Variants in EIF4E3 observed in about 807,000 individuals in gnomAD.
EIF4E3 encodes eukaryotic translation initiation factor 4E family member 3, also known as eukaryotic translation initiation factor 4E type 3.
A neutral mutation model predicts 31.7 loss-of-function variants in EIF4E3; 26 were observed. The ratio of observed to expected loss-of-function variants is 0.82; its 90% CI spans 0.60 to 1.14. EIF4E3 has a LOEUF of 1.14. Among genes scored for constraint, EIF4E3 ranks in the 50% most tolerant of loss-of-function variants. EIF4E3 has a pLI of 0.00. For synonymous variants in EIF4E3, 128 were observed against 107.7 expected, an observed-to-expected ratio of 1.19 and a Z score of -1.17; for missense variants, 304 against 270.9, an observed-to-expected ratio of 1.12 and a Z score of -0.86.
At chr3:71,666,371 T>C in the EIF4E3 span, among the ~76,000 whole-genome samples, 2 of 152,140 alleles carry the variant, frequency 1.3e-5, no homozygotes, top group African/African-American at 2.4e-5. Flanking sequence ...CCTGGATACA[T>C]ACCCCTCCCA....
rs2049613036 is a variant in EIF4E3, at chr3:71,725,160, G to C, written c.176+32C>G. The C allele has an allele frequency of 3.7e-6, 4 of 1,066,862 alleles. No homozygotes were observed. The South Asian group carries it at 1.4e-4, about 38-fold the overall frequency. The allele number at this position is 1,066,862 out of a possible 1,614,324, so 66.1% of individuals were successfully genotyped here. ...GCGGTGGCGGCAGGACCCGGGTCGG[G>C]GCCGTGCGCGGCGGGCCCCGCGCCC... On this transcript the variant is annotated intron_variant, in intron 1 of 6. Coordinates refer to ENST00000425534, the MANE Select transcript of EIF4E3 (RefSeq NM_001134651.2). This position sits in a 1 kb window ranked among gnomAD's most constrained non-coding sequence, Gnocchi z 6.1.
the EIF4E3 span, among the ~76,000 whole-genome samples, chr3:71,662,176 G>A: frequency 6.6e-6 from 1 of 152,156 alleles, no homozygotes; most frequent in Non-Finnish European, 1.5e-5. Context: ...ATACTGTAAG[G>A]GCAAGGTGGA....
At chr3:71,749,054 G>C (rs2049900750) in intron 1 of EIF4E3, among the ~76,000 whole-genome samples, 2 of 152,230 alleles carry the variant, frequency 1.3e-5, no homozygotes, top group Non-Finnish European at 2.9e-5. Context: ...TATATAGTCA[G>C]GTAAGAGCAA....
rs2049614618 is a variant in EIF4E3, at chr3:71,725,229, C to A, written c.139G>T (p.Val47Phe). 1 of 1,133,140 alleles carries A rather than the reference C, an allele frequency of 8.8e-7. No individual in the cohort carries two copies. Among genetic ancestry groups the A allele is most frequent in the Non-Finnish European group, 1.1e-6 (1 of 919,012 alleles). 70.2% of individuals were successfully genotyped at this position (1,133,140 alleles called of 1,614,324 possible). A position where few individuals can be genotyped will look rare whatever the true frequency, so the allele number is the denominator to read the frequency against. The change falls in exon 1 of 7, where the codon GTC becomes TTC. Residue 47 changes from valine (V) to phenylalanine (F), a missense_variant. By Grantham distance (50) the Val-to-Phe change is conservative (BLOSUM62 -1). Transcript: ENST00000425534. This position sits in a 1 kb window ranked among gnomAD's most constrained non-coding sequence, Gnocchi z 6.1. ...AAGGTCCAGGACGAGTGCAGCGGGA[C>A]CCCGCCCGGCTCAGGCTGCAGCGCC... ...LSALQPEPGGVPLHSSWTFWL... is the reference protein window; with the variant it reads ...LSALQPEPGGFPLHSSWTFWL...
upstream of EIF4E3, chr3:71,754,366 G>C: frequency 7.5e-7 from 1 of 1,328,284 alleles, no homozygotes; most frequent in Non-Finnish European, 9.7e-7. The surrounding 1 kb of genome is among the most constrained non-coding windows in gnomAD (Gnocchi z 5.8). Flanking sequence ...GCGCTCTTCT[G>C]CTTCCACGCC....
chr3:71,691,829 A>G (rs1559590933), intron 5 of EIF4E3, among the ~76,000 whole-genome samples: 1 of 152,248 alleles, frequency 6.6e-6, no homozygotes, highest in African/African-American at 2.4e-5. Flanking sequence ...TTTAAAAATA[A>G]TCTTGCCAGA....
At chr3:71,661,424 A>G in the EIF4E3 span, among the ~76,000 whole-genome samples, 1 of 152,136 alleles carries the variant, frequency 6.6e-6, no homozygotes, top group Non-Finnish European at 1.5e-5. Flanking sequence ...CCTATGTGAA[A>G]AGCACTAGTA....
chr3:71,695,195 G>A (rs909025967), intron 4 of EIF4E3, among the ~76,000 whole-genome samples: 6 of 152,154 alleles, frequency 3.9e-5, no homozygotes, highest in African/African-American at 7.2e-5. Context: ...TGAGAGCTGC[G>A]AGAGGCTGTT....
Position 71,684,137 on chromosome 3 carries a change from T to C in EIF4E3, c.*545A>G, listed in dbSNP as rs1346010422. On this transcript the variant is annotated 3_prime_UTR_variant, in exon 7 of 7. Coordinates refer to ENST00000425534, the MANE Select transcript of EIF4E3 (RefSeq NM_001134651.2). ...ATCACATTAAGTATGGTTTTTCTTTTCCCTGGGACAGAAAAAAACAATGCC... is the reference window on the plus strand; with the variant it reads ...ATCACATTAAGTATGGTTTTTCTTTCCCCTGGGACAGAAAAAAACAATGCC... The C allele has an allele frequency of 1.3e-5, 2 of 152,562 alleles. No individual in the cohort carries two copies. The highest frequency in any genetic ancestry group is 2.9e-5 in the Non-Finnish European group (2 of 68,020). The allele number at this position is 152,562 out of a possible 1,614,324, so 9.5% of individuals were successfully genotyped here. A position where few individuals can be genotyped will look rare whatever the true frequency, so the allele number is the denominator to read the frequency against.
chr3:71,695,806 T>C (rs1215127663), intron 4 of EIF4E3, among the ~76,000 whole-genome samples: 1 of 152,206 alleles, frequency 6.6e-6, no homozygotes, highest in Non-Finnish European at 1.5e-5. Context: ...AGAAGCTTTT[T>C]AGTTTCCCAG....
downstream of EIF4E3, among the ~76,000 whole-genome samples, chr3:71,671,356 T>A (rs1216870221): frequency 6.6e-6 from 1 of 151,796 alleles, no homozygotes; most frequent in African/African-American, 2.4e-5. Flanking sequence ...GGGGCTTGGC[T>A]GGCCGCGGCT....
At chr3:71,695,103 T>A (rs1011387679) in intron 4 of EIF4E3, among the ~76,000 whole-genome samples, 3 of 152,008 alleles carry the variant, frequency 2.0e-5, no homozygotes, top group Non-Finnish European at 2.9e-5. Flanking sequence ...TCCCTTCTGG[T>A]CTATGAGTCT....
At chr3:71,661,126 T>C in the EIF4E3 span, among the ~76,000 whole-genome samples, 1 of 151,800 alleles carries the variant, frequency 6.6e-6, no homozygotes, top group Non-Finnish European at 1.5e-5. Flanking sequence ...TTGTTATTGT[T>C]ATTTTACTTT....
intron 1 of EIF4E3, among the ~76,000 whole-genome samples, chr3:71,724,967 T>TC (rs750127203): frequency 6.6e-6 from 1 of 151,920 alleles, no homozygotes; most frequent in African/African-American, 2.4e-5. Context: ...TGCGCTGTCC[T>TC]CCCCCGGCCC....
rs190835785 is a variant in EIF4E3 at position 71,676,234 on chromosome 3, T to G, written c.*8448A>C. On this transcript the variant is annotated 3_prime_UTR_variant, in exon 7 of 7. Transcript: ENST00000425534. ...CAACGTTCATAGTTAGAGAAGATTCTATATGTAAAATGATGTTTATCACCT... is the reference window on the plus strand; with the variant it reads ...CAACGTTCATAGTTAGAGAAGATTCGATATGTAAAATGATGTTTATCACCT... 1 of 152,352 alleles carries G rather than the reference T, an allele frequency of 6.6e-6. No individual in the cohort carries two copies. The highest frequency in any genetic ancestry group is 2.4e-5 in the African/African-American group (1 of 41,582). 9.4% of individuals were successfully genotyped at this position (152,352 alleles called of 1,614,324 possible).
At chr3:71,696,637 A>G (rs2049141056) in intron 3 of EIF4E3, 117 bp from the exon 4 acceptor site, 3 of 1,159,468 alleles carry the variant, frequency 2.6e-6, no homozygotes, top group South Asian at 1.5e-5. Context: ...AAAACAAAAT[A>G]GTTGGGCATT....
At chr3:71,753,888 C>G (rs905812772), upstream of EIF4E3, among the ~76,000 whole-genome samples, 1 of 148,540 alleles carries the variant, frequency 6.7e-6, no homozygotes, top group African/African-American at 2.4e-5. Flanking sequence ...ACAGCGGCGG[C>G]TCGGGGAGCC....
intron 1 of EIF4E3, among the ~76,000 whole-genome samples, chr3:71,718,329 T>A (rs1282313270): frequency 1.3e-5 from 2 of 152,270 alleles, no homozygotes; most frequent in African/African-American, 4.8e-5. Flanking sequence ...GCCCAAGCCC[T>A]ATTACTGACA....
chr3:71,668,633 CAT>C, the EIF4E3 span, among the ~76,000 whole-genome samples: 2 of 151,720 alleles, frequency 1.3e-5, no homozygotes, highest in Non-Finnish European at 2.9e-5. Context: ...GGCCAACAAA[CAT>C]ATGAAAAAAA....
Sources: gnomAD v4.1 joint callset for allele counts (sites outside exome capture counted in the v4.1 genomes callset) on GRCh38, gnomAD v4.1.1 for gene constraint, Gnocchi (gnomAD v3.1) non-coding constraint, MANE v1.5 for transcripts, NCBI Gene and HGNC (gene_info 2026-07-23, HGNC 2026-07-21) for gene names.